Variants in GTF3C1 observed in about 807,000 individuals in gnomAD.
The protein encoded by GTF3C1 is general transcription factor 3C polypeptide 1.
GTF3C1 carries 57 observed loss-of-function variants against 226.7 expected under a neutral mutation model. The observed-to-expected ratio is 0.25, with a 90% CI of 0.20 to 0.31. GTF3C1 has a LOEUF of 0.31. Ranked by LOEUF, GTF3C1 falls within the 10% of genes least tolerant of loss-of-function variation. GTF3C1 has a pLI of 1.00. For missense variants in GTF3C1, 2,217 were observed against 2,776.1 expected, an observed-to-expected ratio of 0.80 and a Z score of 4.53; for synonymous variants, 1,090 against 1,084.8, an observed-to-expected ratio of 1.00 and a Z score of -0.09.
Position 27,537,838 on chromosome 16 carries a change from G to T in GTF3C1, c.698C>A (p.Thr233Asn), listed in dbSNP as rs558827667. ...TMQSHVIRLP[T>N]GAQQHSILLL... ...GAGGATTGAGTGTTGCTGGGCTCCA[G>T]TGGGTAATCGGATCACATGGGACTG... The change falls in exon 4 of 37, where the codon ACT becomes AAT. Residue 233 changes from threonine to asparagine, a missense_variant. Coordinates refer to ENST00000356183, the MANE Select transcript of GTF3C1 (RefSeq NM_001520.4). 1 of 1,612,370 alleles carries T rather than the reference G, an allele frequency of 6.2e-7. No individual in the cohort carries two copies. The highest frequency in any genetic ancestry group is 1.7e-5 in the Admixed American group (1 of 60,020).
In GTF3C1 at chr16:27,519,905, G is replaced by A. The variant is rs543016331; in HGVS notation, c.974-8004C>T. 2.4e-4 allele frequency among the ~76,000 whole-genome samples: 36 copies of A among 152,202 alleles called. No individual in the cohort carries two copies. In the East Asian group the frequency reaches 5.8e-3, roughly 25 times the overall value. On this transcript the variant is annotated intron_variant, in intron 6 of 36. Coordinates refer to ENST00000356183, the MANE Select transcript of GTF3C1 (RefSeq NM_001520.4). ...GAGGATCACTTGAGCCCAAGAGTTC[G>A]CGACTGGCATGGACAACAAGCAAGA...
intron 6 of GTF3C1, among the ~76,000 whole-genome samples, chr16:27,525,333 C>T (rs2088816198): frequency 6.6e-6 from 1 of 152,194 alleles, no homozygotes; most frequent in Admixed American, 6.5e-5. Context: ...AAGGCTGATG[C>T]TACCACACTT....
rs572802359 is a variant in GTF3C1, at chr16:27,470,115, T to G, written c.4807A>C (p.Ile1603Leu). The change falls in exon 31 of 37, where the codon ATC becomes CTC. Residue 1603 changes from isoleucine (I) to leucine (L), a missense_variant. By Grantham distance (5) the Ile-to-Leu change is conservative. This residue lies in a region of GTF3C1 where 546 missense variants were observed against 663.0 expected (regional missense o/e 0.82). Transcript: ENST00000356183. This position sits in a 1 kb window ranked among gnomAD's most constrained non-coding sequence, Gnocchi z 4.9. Reference sequence around the variant, plus strand: ...CGGATGCCGGACTCTTACCTTTTGATGACCTCATTCTCCACCATTGAGCTG... The same window carrying G: ...CGGATGCCGGACTCTTACCTTTTGAGGACCTCATTCTCCACCATTGAGCTG... ...VDSSMVENEV[I>L]KSLGKDGSLE... 1.4e-4 allele frequency: 219 copies of G among 1,612,330 alleles called. 2 individuals are homozygous for G. In the South Asian group the frequency reaches 2.2e-3, roughly 17 times the overall value.
chr16:27,545,451 G>A lies in GTF3C1; in HGVS notation c.294C>T (p.Tyr98=), dbSNP rs1360188925. Residue 98 remains tyrosine, a synonymous_variant, in exon 2 of 37, where the codon TAC becomes TAT. Transcript: ENST00000356183. ...TATTCTCTAAGATCATATGAATGGG[G>A]TAGACATCCTCCAAAGCCACCGGGT... ...RRDPVALEDV[Y]PIHMILENKD... The A allele has an allele frequency of 3.1e-6, 5 of 1,611,692 alleles. No homozygotes were observed. The highest frequency in any genetic ancestry group is 2.2e-5 in the East Asian group (1 of 44,864).
In GTF3C1 at chr16:27,463,531, C is replaced by T. The variant is rs371336540; in HGVS notation, c.5924+10G>A. ...CGCCCCAGGCCCCGGAGCCAGAACC[C>T]CACACCCACCTTTCCCGTGCTGCCT... On this transcript the variant is annotated intron_variant, in intron 35 of 36. Coordinates refer to ENST00000356183, the MANE Select transcript of GTF3C1 (RefSeq NM_001520.4). The surrounding 1 kb of genome is among the most constrained non-coding windows in gnomAD (Gnocchi z 4.9). 1 of 1,557,628 alleles carries T rather than the reference C, an allele frequency of 6.4e-7. No homozygotes were observed.
At chr16:27,532,644 C>T (rs1220126085) in intron 5 of GTF3C1, among the ~76,000 whole-genome samples, 16 of 152,152 alleles carry the variant, frequency 1.1e-4, no homozygotes, top group Admixed American at 1.0e-3. Context: ...TCTCCCCTCC[C>T]CCTCAGGACA....
Position 27,464,471 on chromosome 16 carries a change from G to A in GTF3C1, c.5721C>T (p.Ala1907=). The change falls in exon 34 of 37, where the codon GCC becomes GCT. Residue 1907 remains alanine, a synonymous_variant. Coordinates refer to ENST00000356183, the MANE Select transcript of GTF3C1 (RefSeq NM_001520.4). ...LGPGAEDGAE[A]QAPSPPPALE... is the part of the protein sequence containing the mutation. ...GAGCTGGGGGTGGAGATGGGGCCTG[G>A]GCTTCTGCCCCATCTTCAGCTCCGG... 1 of 1,577,348 alleles carries A rather than the reference G, an allele frequency of 6.3e-7. No homozygotes were observed. Among genetic ancestry groups the A allele is most frequent in the Admixed American group, 1.9e-5 (1 of 52,754 alleles).
intron 11 of GTF3C1, 111 bp from the exon 12 acceptor site, chr16:27,501,455 T>G: frequency 2.9e-5 from 26 of 906,150 alleles, no homozygotes; most frequent in Non-Finnish European, 4.0e-5. Flanking sequence ...CAAGGAAGGA[T>G]CAAACGGGGT....
In GTF3C1 at chr16:27,469,550, G is replaced by A. The variant is rs752604384; in HGVS notation, c.4815C>T (p.Ser1605=). The change falls in exon 32 of 37, where the codon AGC becomes AGT. Residue 1605 remains serine (S), a splice_region_variant and synonymous_variant. Transcript: ENST00000356183. The surrounding 1 kb of genome is among the most constrained non-coding windows in gnomAD (Gnocchi z 4.5). The part of the protein sequence containing the change: ...SSMVENEVIK[S]LGKDGSLEDD... ...CCTCCAGGCTGCCGTCCTTCCCCAA[G>A]CTAGAAGGGAATTGTGACCTGGATA... is the stretch of plus-strand genomic sequence containing the variant. 3.7e-6 allele frequency: 6 copies of A among 1,607,814 alleles called. No homozygotes were observed. The highest frequency in any genetic ancestry group is 5.1e-6 in the Non-Finnish European group (6 of 1,175,054).
intron 6 of GTF3C1, among the ~76,000 whole-genome samples, chr16:27,520,755 T>A (rs2088734094): frequency 6.6e-6 from 1 of 152,220 alleles, no homozygotes; most frequent in South Asian, 2.1e-4. Context: ...AGTTTTGCTC[T>A]GTCGCCCAGG....
intron 3 of GTF3C1, 36 bp downstream of exon 3, chr16:27,538,144 A>G: frequency 7.0e-7 from 1 of 1,437,780 alleles, no homozygotes; most frequent in Non-Finnish European, 9.4e-7. Flanking sequence ...GCAATGACAT[A>G]TAATTTAAAG....
chr16:27,517,321 T>C (rs1054258031), intron 6 of GTF3C1, among the ~76,000 whole-genome samples: 1 of 152,100 alleles, frequency 6.6e-6, no homozygotes, highest in African/African-American at 2.4e-5. Flanking sequence ...TTTTTGAAGG[T>C]GCCTGTTCCA....
intron 6 of GTF3C1, among the ~76,000 whole-genome samples, chr16:27,526,966 G>A (rs1264187466): frequency 6.6e-6 from 1 of 152,188 alleles, no homozygotes; most frequent in Non-Finnish European, 1.5e-5. Flanking sequence ...AGCACTTTGG[G>A]AGGCCAAGGC....
intron 1 of GTF3C1, among the ~76,000 whole-genome samples, chr16:27,548,938 G>A (rs922948687): frequency 2.0e-5 from 3 of 152,186 alleles, no homozygotes; most frequent in African/African-American, 7.2e-5. Context: ...CGGATTGTCT[G>A]AGGTCAGGAG....
chr16:27,482,269 A>C (rs1596622642), intron 26 of GTF3C1, among the ~76,000 whole-genome samples: 1 of 152,102 alleles, frequency 6.6e-6, no homozygotes, highest in Non-Finnish European at 1.5e-5. Flanking sequence ...TGGCGGCAGG[A>C]ACCTGGGAGC....
At chr16:27,521,945 C>T (rs1475799253) in intron 6 of GTF3C1, among the ~76,000 whole-genome samples, 2 of 152,042 alleles carry the variant, frequency 1.3e-5, no homozygotes, top group African/African-American at 2.4e-5. Context: ...TTATTTGTTG[C>T]ATTTTAATCA....
At chr16:27,513,801 C>A (rs149026231) in intron 6 of GTF3C1, among the ~76,000 whole-genome samples, 1 of 152,196 alleles carries the variant, frequency 6.6e-6, no homozygotes, top group Non-Finnish European at 1.5e-5. Context: ...ATCAGCACAT[C>A]GATGCACAGA....
intron 5 of GTF3C1, among the ~76,000 whole-genome samples, chr16:27,532,473 C>T (rs1216210955): frequency 6.6e-6 from 1 of 152,168 alleles, no homozygotes; most frequent in Admixed American, 6.5e-5. Context: ...GTTTTCCTCC[C>T]ATCTCTAACG....
rs775959954 is a variant in GTF3C1 at position 27,469,407 on chromosome 16, G to A, written c.4958C>T (p.Ser1653Phe). Residue 1653 changes from serine to phenylalanine, a missense_variant, in exon 32 of 37, where the codon TCC becomes TTC. By Grantham distance (155) the Ser-to-Phe change is radical. Coordinates refer to ENST00000356183, the MANE Select transcript of GTF3C1 (RefSeq NM_001520.4). This position sits in a 1 kb window ranked among gnomAD's most constrained non-coding sequence, Gnocchi z 4.5. ...TNYLLMRGYY[S>F]PGIVSTRNLN... is the part of the protein sequence containing the mutation. ...GTTGCGGGTGCTGACGATGCCGGGG[G>A]AGTAGTAGCCCCTCATCAGCAGGTA... The A allele has an allele frequency of 1.9e-6, 3 of 1,614,034 alleles. No individual in the cohort carries two copies. The highest frequency in any genetic ancestry group is 2.5e-6 in the Non-Finnish European group (3 of 1,179,946).
Sources: gnomAD v4.1 joint callset for allele counts (sites outside exome capture counted in the v4.1 genomes callset) on GRCh38, gnomAD v4.1.1 for gene constraint, gnomAD v4.1.1 regional missense constraint, Gnocchi (gnomAD v3.1) non-coding constraint, MANE v1.5 for transcripts, NCBI Gene and HGNC (gene_info 2026-07-23, HGNC 2026-07-21) for gene names.